CTIF: variants seen among roughly 807,000 people sequenced by gnomAD.
CTIF encodes CBP80/20-dependent translation initiation factor.
Under a neutral mutation model 66.0 loss-of-function variants are expected in CTIF, and 21 were observed. The observed-to-expected ratio is 0.32, with a 90% CI of 0.23 to 0.46. The LOEUF is 0.46. Among genes scored for constraint, CTIF ranks in the 20% least tolerant of loss-of-function variants. The pLI is 1.00. For synonymous variants in CTIF, 345 were observed against 326.4 expected, an observed-to-expected ratio of 1.06 and a Z score of -0.62; for missense variants, 739 against 812.7, an observed-to-expected ratio of 0.91 and a Z score of 1.10.
At position 48,659,298 on chromosome 18, in the gene CTIF, G is replaced by A. The variant is rs748919170; in HGVS notation, c.253-4454G>A. Among the ~76,000 whole-genome samples the A allele has an allele frequency of 4.6e-5, 7 of 152,128 alleles. No homozygotes were observed. In the South Asian group the frequency reaches 8.3e-4, roughly 18 times the overall value. On this transcript the variant is annotated intron_variant, in intron 3 of 11. Coordinates refer to ENST00000256413, the MANE Select transcript of CTIF (RefSeq NM_014772.3). Reference sequence around the variant, plus strand: ...CTCAGCTTCTCGTCTGCCAGGCCCCGAGTCTTCATGGCGATCTCCTTCCTG... The same window carrying A: ...CTCAGCTTCTCGTCTGCCAGGCCCCAAGTCTTCATGGCGATCTCCTTCCTG...
rs961947379 is a variant in CTIF at position 48,761,217 on chromosome 18, T to A, written c.1072-173T>A. ...GCCAAGAAAAAAGGCAACAAGGAGCTTTTGGCGCATGAGGGGTCTTTGGTG... is the reference window on the plus strand; with the variant it reads ...GCCAAGAAAAAAGGCAACAAGGAGCATTTGGCGCATGAGGGGTCTTTGGTG... On this transcript the variant is annotated intron_variant, in intron 8 of 11. Coordinates refer to ENST00000256413, the MANE Select transcript of CTIF (RefSeq NM_014772.3). This position sits in a 1 kb window ranked among gnomAD's most constrained non-coding sequence, Gnocchi z 4.2. 1 of 608,522 alleles carries A rather than the reference T, an allele frequency of 1.6e-6. No homozygotes were observed. The highest frequency in any genetic ancestry group is 1.8e-5 in the African/African-American group (1 of 54,070). The allele number at this position is 608,522 out of a possible 1,614,324, so 37.7% of individuals were successfully genotyped here.
intron 7 of CTIF, among the ~76,000 whole-genome samples, chr18:48,741,336 C>A (rs538138627): frequency 6.7e-6 from 1 of 149,428 alleles, no homozygotes; most frequent in South Asian, 2.1e-4. Context: ...GCTTAAAATA[C>A]CCAGGTGCTA....
At chr18:48,797,499 G>GGA (rs2067952225) in intron 9 of CTIF, among the ~76,000 whole-genome samples, 2 of 149,464 alleles carry the variant, frequency 1.3e-5, no homozygotes, top group African/African-American at 5.0e-5. Context: ...AAAAGGGGTG[G>GGA]GGGGGCAAGT....
At chr18:48,855,018 A>C (rs2069294697) in intron 10 of CTIF, among the ~76,000 whole-genome samples, 3 of 152,094 alleles carry the variant, frequency 2.0e-5, no homozygotes. Context: ...ACCGCCCCGG[A>C]GCTGCATTTC....
chr18:48,730,714 C>A (rs371997009), intron 7 of CTIF, among the ~76,000 whole-genome samples: 17 of 90,012 alleles, frequency 1.9e-4, no homozygotes, highest in Admixed American at 4.9e-4. Flanking sequence ...GGGGCTTCCG[C>A]GGTGTGAGGG....
intron 6 of CTIF, among the ~76,000 whole-genome samples, chr18:48,695,462 T>C: frequency 6.6e-6 from 1 of 152,208 alleles, no homozygotes. Flanking sequence ...GATGCTCTTA[T>C]GAGCATTCCG....
At chr18:48,735,092 T>C (rs577866332) in intron 7 of CTIF, among the ~76,000 whole-genome samples, 104 of 135,808 alleles carry the variant, frequency 7.7e-4, no homozygotes, top group Admixed American at 1.6e-3. Flanking sequence ...GTCCAGTTTG[T>C]GTGCGTGTGT....
chr18:48,811,000 C>G (rs1234834825), intron 9 of CTIF, among the ~76,000 whole-genome samples: 3 of 151,960 alleles, frequency 2.0e-5, no homozygotes, highest in Admixed American at 2.0e-4. Flanking sequence ...GGCATACTTT[C>G]ATTTTTTTTC....
chr18:48,848,032 C>T (rs915887651), intron 10 of CTIF, among the ~76,000 whole-genome samples: 6 of 152,168 alleles, frequency 3.9e-5, no homozygotes, highest in East Asian at 1.9e-4. Context: ...CCAGCTGTCC[C>T]GGAGGGTACT....
At chr18:48,665,780 A>G (rs2091426398) in intron 5 of CTIF, among the ~76,000 whole-genome samples, 1 of 152,228 alleles carries the variant, frequency 6.6e-6, no homozygotes, top group African/African-American at 2.4e-5. Context: ...TTTGAGGTTC[A>G]TTCATTATAG....
intron 3 of CTIF, among the ~76,000 whole-genome samples, chr18:48,660,014 T>C (rs368450044): frequency 1.3e-5 from 2 of 150,838 alleles, no homozygotes; most frequent in South Asian, 2.1e-4. Flanking sequence ...CGTGTGTCGA[T>C]TGTGTGACTG....
At chr18:48,775,492 C>T (rs538048988) in intron 9 of CTIF, among the ~76,000 whole-genome samples, 5 of 152,370 alleles carry the variant, frequency 3.3e-5, no homozygotes, top group African/African-American at 1.2e-4. Flanking sequence ...GGTTTGGGTG[C>T]AGCACTGTAG....
intron 9 of CTIF, among the ~76,000 whole-genome samples, chr18:48,816,527 C>A (rs2068366801): frequency 6.6e-6 from 1 of 152,188 alleles, no homozygotes; most frequent in Non-Finnish European, 1.5e-5. Flanking sequence ...TCCCTAGCGA[C>A]CATCCCATGG....
At chr18:48,635,878 G>A (rs1466774437) in intron 2 of CTIF, among the ~76,000 whole-genome samples, 1 of 152,172 alleles carries the variant, frequency 6.6e-6, no homozygotes, top group African/African-American at 2.4e-5. Context: ...ACAGAATGAA[G>A]CCTGAGAGAT....
chr18:48,541,742 C>T (rs1346912542), intron 1 of CTIF, among the ~76,000 whole-genome samples: 1 of 152,168 alleles, frequency 6.6e-6, no homozygotes, highest in Non-Finnish European at 1.5e-5. Flanking sequence ...TTTTGTAACA[C>T]ATTCTAGGGC....
intron 6 of CTIF, among the ~76,000 whole-genome samples, chr18:48,706,589 G>C (rs1174449047): frequency 1.3e-5 from 2 of 152,146 alleles, no homozygotes; most frequent in East Asian, 3.8e-4. Context: ...TCATGTTCTG[G>C]GGCCAGAGCT....
At chr18:48,693,368 G>C (rs1205527003) in intron 6 of CTIF, among the ~76,000 whole-genome samples, 2 of 152,176 alleles carry the variant, frequency 1.3e-5, no homozygotes, top group Non-Finnish European at 2.9e-5. Flanking sequence ...CCACGTTGTA[G>C]ACTCGCCTGG....
chr18:48,580,041 A>G (rs77455670), intron 1 of CTIF, among the ~76,000 whole-genome samples: 3,706 of 152,308 alleles, frequency 0.024, 154 homozygotes, highest in African/African-American at 0.084. Context: ...CTGTCCATCA[A>G]TCAGTCTGTC....
chr18:48,712,521 T>C (rs934269670), intron 7 of CTIF, among the ~76,000 whole-genome samples: 1 of 152,254 alleles, frequency 6.6e-6, no homozygotes, highest in Non-Finnish European at 1.5e-5. Context: ...GCATAAATTA[T>C]TTCTGGATGG....
Sources: gnomAD v4.1 joint callset for allele counts (sites outside exome capture counted in the v4.1 genomes callset) on GRCh38, gnomAD v4.1.1 for gene constraint, Gnocchi (gnomAD v3.1) non-coding constraint, MANE v1.5 for transcripts, NCBI Gene and HGNC (gene_info 2026-07-23, HGNC 2026-07-21) for gene names.